The following CTNNA3 variants were observed in gnomAD, a reference collection of about 807,000 sequenced individuals.
CTNNA3 encodes the protein catenin alpha-3.
In CTNNA3, 76 loss-of-function variants were observed where a neutral mutation model predicts 95.7. The ratio of observed to expected loss-of-function variants is 0.79; its 90% confidence interval spans 0.66 to 0.96. The LOEUF (loss-of-function observed/expected upper bound fraction) is 0.96, where lower values mean the gene tolerates loss of function less well. CTNNA3 is among the 40% of genes least tolerant of loss of function. The pLI, the probability that CTNNA3 is intolerant of heterozygous loss-of-function variation, is 0.00. For missense variants in CTNNA3, 1,191 were observed against 1,089.8 expected (o/e 1.09, Z -1.31); for synonymous variants, 431 against 374.4 (o/e 1.15, Z -1.74).
At chr10:67,675,363 T>C (rs922218417) in intron 1 of CTNNA3, among the ~76,000 whole-genome samples, 3 of 152,138 alleles carry the variant, frequency 2.0e-5, no homozygotes, top group African/African-American at 4.8e-5. Context: ...TGGCTAAAGA[T>C]TGGCTAATTC....
intron 1 of CTNNA3, chr10:67,648,897 G>T: frequency 1.2e-6 from 1 of 846,554 alleles, no homozygotes; most frequent in Non-Finnish European, 1.6e-6. Flanking sequence ...TTCTAGAACT[G>T]AAATGTTTTA....
chr10:66,274,979 A>T (rs2091360475), intron 13 of CTNNA3, among the ~76,000 whole-genome samples: 3 of 152,142 alleles, frequency 2.0e-5, no homozygotes, highest in Admixed American at 6.6e-5. Context: ...CGCTTATTTT[A>T]TAATTTTGGA....
At chr10:66,270,467 A>G (rs1230011055) in intron 13 of CTNNA3, among the ~76,000 whole-genome samples, 1 of 152,120 alleles carries the variant, frequency 6.6e-6, no homozygotes, top group Non-Finnish European at 1.5e-5. Context: ...CAGCCTTCCA[A>G]AGTGCTGGGA....
At chr10:66,071,665 A>G (rs1019782742) in intron 14 of CTNNA3, among the ~76,000 whole-genome samples, 1 of 152,168 alleles carries the variant, frequency 6.6e-6, no homozygotes, top group African/African-American at 2.4e-5. Context: ...ATTGTTCTCC[A>G]AAGAATAGTC....
At chr10:66,661,095 AT>A (rs1041186589) in intron 9 of CTNNA3, among the ~76,000 whole-genome samples, 2 of 152,132 alleles carry the variant, frequency 1.3e-5, no homozygotes, top group African/African-American at 2.4e-5. Context: ...TGAAATATAT[AT>A]TTTTTGATAC....
chr10:66,531,325 A>G (rs1461761916), intron 10 of CTNNA3, among the ~76,000 whole-genome samples: 3 of 152,128 alleles, frequency 2.0e-5, no homozygotes, highest in Admixed American at 6.6e-5. Flanking sequence ...CTAATCTGTA[A>G]TGATCATTAA....
intron 7 of CTNNA3, among the ~76,000 whole-genome samples, chr10:67,087,594 A>T (rs1268206281): frequency 6.6e-6 from 1 of 152,014 alleles, no homozygotes; most frequent in Non-Finnish European, 1.5e-5. Flanking sequence ...AGTTAAAATC[A>T]AATAAAAAAT....
At chr10:67,751,709 A>C (rs896709030) in intron 1 of CTNNA3, among the ~76,000 whole-genome samples, 5 of 152,244 alleles carry the variant, frequency 3.3e-5, no homozygotes, top group African/African-American at 1.2e-4. Flanking sequence ...TAAACTAGAA[A>C]ATCTAGAAGA....
At chr10:67,387,065 C>G (rs1403098975) in intron 5 of CTNNA3, among the ~76,000 whole-genome samples, 1 of 152,140 alleles carries the variant, frequency 6.6e-6, no homozygotes, top group African/African-American at 2.4e-5. Context: ...CCAAGACGGC[C>G]GAATAGGAAC....
At chr10:66,119,535 T>C (rs575029528) in intron 13 of CTNNA3, among the ~76,000 whole-genome samples, 1 of 152,304 alleles carries the variant, frequency 6.6e-6, no homozygotes, top group Non-Finnish European at 1.5e-5. Context: ...CTCATGCTGT[T>C]TTATCACTTT....
intron 6 of CTNNA3, among the ~76,000 whole-genome samples, chr10:67,183,092 A>G (rs1044435390): frequency 5.9e-5 from 9 of 152,162 alleles, no homozygotes; most frequent in Admixed American, 4.6e-4. Context: ...CTGTTGGTGG[A>G]ACTGTAAACT....
intron 5 of CTNNA3, among the ~76,000 whole-genome samples, chr10:67,423,294 C>T (rs186714733): frequency 2.0e-5 from 3 of 152,246 alleles, no homozygotes; most frequent in African/African-American, 7.2e-5. Context: ...GAGTAGCACA[C>T]AACCTCAATT....
At chr10:66,248,933 G>T (rs2090442587) in intron 13 of CTNNA3, among the ~76,000 whole-genome samples, 1 of 152,066 alleles carries the variant, frequency 6.6e-6, no homozygotes, top group African/African-American at 2.4e-5. Flanking sequence ...AAATAGCAAG[G>T]TGCTGGCATT....
chr10:67,432,563 T>C (rs1284388202), intron 5 of CTNNA3, among the ~76,000 whole-genome samples: 1 of 151,994 alleles, frequency 6.6e-6, no homozygotes, highest in Non-Finnish European at 1.5e-5. Flanking sequence ...GGTCTTTGCT[T>C]CTGTCTTCAC....
chr10:66,987,755 C>A (rs966009243), intron 7 of CTNNA3, among the ~76,000 whole-genome samples: 11 of 152,128 alleles, frequency 7.2e-5, no homozygotes, highest in Non-Finnish European at 1.3e-4. Flanking sequence ...TGAACTACTT[C>A]ATTTCTGTGA....
intron 7 of CTNNA3, among the ~76,000 whole-genome samples, chr10:67,062,935 T>G (rs1350804452): frequency 6.6e-6 from 1 of 152,156 alleles, no homozygotes; most frequent in East Asian, 1.9e-4. Flanking sequence ...TTCCTGCAGT[T>G]TTTTTAGCTC....
At chr10:66,577,038 G>GA (rs912677758) in intron 10 of CTNNA3, among the ~76,000 whole-genome samples, 4 of 117,932 alleles carry the variant, frequency 3.4e-5, no homozygotes, top group Non-Finnish European at 8.3e-5. Context: ...ACTGATGTGA[G>GA]ATAGTATCTC....
At chr10:66,129,797 TC>T (rs2083001197) in intron 13 of CTNNA3, among the ~76,000 whole-genome samples, 1 of 151,670 alleles carries the variant, frequency 6.6e-6, no homozygotes, top group Non-Finnish European at 1.5e-5. Context: ...CACTGCAGCC[TC>T]CCCCAGCCAC....
At chr10:66,780,629 C>A (rs1840495636) in intron 7 of CTNNA3, among the ~76,000 whole-genome samples, 1 of 152,284 alleles carries the variant, frequency 6.6e-6, no homozygotes, top group South Asian at 2.1e-4. Flanking sequence ...TAGTATTTGT[C>A]CTATGCTTAA....
Sources: gnomAD v4.1 joint callset for allele counts (sites outside exome capture counted in the v4.1 genomes callset) on GRCh38, gnomAD v4.1.1 for gene constraint, MANE v1.5 for transcripts, NCBI Gene and HGNC (gene_info 2026-07-23, HGNC 2026-07-21) for gene names.